Variants in RUNX1T1 observed in about 807,000 individuals in gnomAD.
RUNX1T1 encodes the protein protein CBFA2T1.
A neutral mutation model predicts 62.8 loss-of-function variants in RUNX1T1; 4 were observed. The ratio of observed to expected loss-of-function variants is 0.06; its 90% confidence interval spans 0.03 to 0.15. RUNX1T1 has a LOEUF of 0.15. RUNX1T1 is among the 10% of genes least tolerant of loss of function. The pLI, the probability that RUNX1T1 is intolerant of heterozygous loss-of-function variation, is 1.00. For missense variants in RUNX1T1, 508 were observed against 754.3 expected, an observed-to-expected ratio of 0.67 and a Z score of 3.82; for synonymous variants, 291 against 286.0, an observed-to-expected ratio of 1.02 and a Z score of -0.18.
chr8:92,094,072 T>C (rs911392764), intron 1 of RUNX1T1, among the ~76,000 whole-genome samples: 2 of 152,202 alleles, frequency 1.3e-5, no homozygotes, highest in African/African-American at 2.4e-5. Flanking sequence ...CTCTGGCCAG[T>C]TGGTCTGTGA....
At chr8:92,005,985 T>TACACACACACACACACACACACACAC (rs139289273) in intron 4 of RUNX1T1, 52 of 145,764 alleles carry the variant, frequency 3.6e-4, no homozygotes, top group African/African-American at 1.3e-3. Flanking sequence ...AAGGAATGAA[T>TACACACACACACACACACACACACAC]ACACACACAC....
chr8:91,959,448 G>C (rs2920469), exon 11 of RUNX1T1: 2 of 157,098 alleles, frequency 1.3e-5, no homozygotes, highest in South Asian at 5.8e-4. Context: ...GTGTGTGTGT[G>C]TGTGTGTGTG....
intron 2 of RUNX1T1, among the ~76,000 whole-genome samples, chr8:92,068,193 C>T (rs188728484): frequency 6.6e-6 from 1 of 152,128 alleles, no homozygotes; most frequent in East Asian, 1.9e-4. Flanking sequence ...TTACCATTTA[C>T]AGTTTTCTCA....
At chr8:92,053,719 G>A (rs914276140) in intron 1 of RUNX1T1, among the ~76,000 whole-genome samples, 1 of 151,976 alleles carries the variant, frequency 6.6e-6, no homozygotes, top group Non-Finnish European at 1.5e-5. Context: ...AACATGCTTT[G>A]TGTATTATTT....
At chr8:92,074,658 T>C (rs941781694) in intron 2 of RUNX1T1, among the ~76,000 whole-genome samples, 3 of 152,202 alleles carry the variant, frequency 2.0e-5, no homozygotes, top group Admixed American at 6.5e-5. Context: ...TGCAAGACTT[T>C]AGCAGGCTAA....
chr8:92,091,736 C>T (rs924624134), intron 1 of RUNX1T1, among the ~76,000 whole-genome samples: 1 of 152,162 alleles, frequency 6.6e-6, no homozygotes, highest in African/African-American at 2.4e-5. Context: ...GCATGACATG[C>T]CATACTGAAC....
intron 6 of RUNX1T1, among the ~76,000 whole-genome samples, chr8:91,991,116 G>A (rs1236263571): frequency 6.6e-6 from 1 of 152,060 alleles, no homozygotes; most frequent in Non-Finnish European, 1.5e-5. Flanking sequence ...GTAAAAAAAA[G>A]TACCAAATCA....
rs763863514 is a variant in RUNX1T1 at position 91,991,789 on chromosome 8, C to T, written c.760G>A (p.Gly254Ser). 25 of 1,613,898 alleles carry T rather than the reference C, an allele frequency of 1.5e-5. No individual in the cohort carries two copies. Among genetic ancestry groups the T allele is most frequent in the East Asian group, 2.2e-5 (1 of 44,876 alleles). ...AGGCCATTGGGCTGGTAGGATAAGCCGTTATTTGGACTGTACCGCTGGCCT... is the reference window on the plus strand; with the variant it reads ...AGGCCATTGGGCTGGTAGGATAAGCTGTTATTTGGACTGTACCGCTGGCCT... Residue 254 changes from glycine to serine, a missense_variant, in exon 6 of 11, where the codon GGC (glycine) becomes AGC (serine). Transcript: ENST00000396218.
chr8:91,990,998 T>A (rs1172828510), intron 6 of RUNX1T1, among the ~76,000 whole-genome samples: 2 of 152,208 alleles, frequency 1.3e-5, no homozygotes, highest in Non-Finnish European at 2.9e-5. Context: ...AAAGAAGGAA[T>A]GAACACAGGG....
At chr8:92,082,075 C>T (rs749840279) in intron 1 of RUNX1T1, among the ~76,000 whole-genome samples, 6 of 151,846 alleles carry the variant, frequency 4.0e-5, no homozygotes, top group African/African-American at 9.7e-5. Context: ...TTAGTAGGGA[C>T]GGGATTTTGC....
At chr8:91,968,717 A>G (rs536818330) in intron 10 of RUNX1T1, among the ~76,000 whole-genome samples, 7 of 152,192 alleles carry the variant, frequency 4.6e-5, no homozygotes, top group Admixed American at 3.9e-4. Context: ...TCCTTATTTC[A>G]TTGTTACAAA....
chr8:92,056,014 T>A (rs1830977641), intron 1 of RUNX1T1, among the ~76,000 whole-genome samples: 1 of 152,184 alleles, frequency 6.6e-6, no homozygotes, highest in Non-Finnish European at 1.5e-5. Context: ...TCCAGTCTTA[T>A]CCTCATTAGG....
intron 1 of RUNX1T1, among the ~76,000 whole-genome samples, chr8:92,088,848 G>A (rs1331740879): frequency 6.6e-6 from 1 of 152,056 alleles, no homozygotes; most frequent in East Asian, 1.9e-4. Context: ...CATTACTGCT[G>A]CTAATATTTT....
intron 10 of RUNX1T1, among the ~76,000 whole-genome samples, chr8:91,967,616 G>C (rs1449921699): frequency 1.3e-5 from 2 of 152,172 alleles, no homozygotes; most frequent in Admixed American, 6.5e-5. Context: ...AAATTACAGA[G>C]AGAAGAATTC....
intron 1 of RUNX1T1, among the ~76,000 whole-genome samples, chr8:92,091,896 T>C (rs1280611409): frequency 2.6e-5 from 4 of 152,352 alleles, no homozygotes; most frequent in East Asian, 1.9e-4. Context: ...AACACTGCAT[T>C]TGTTAATATC....
At chr8:91,972,636 A>G (rs1398397743) in intron 9 of RUNX1T1, among the ~76,000 whole-genome samples, 1 of 152,102 alleles carries the variant, frequency 6.6e-6, no homozygotes, top group African/African-American at 2.4e-5. Flanking sequence ...TTAAAATTCT[A>G]TCTAAGTGGT....
At chr8:92,026,154 T>A (rs1825105115) in intron 1 of RUNX1T1, among the ~76,000 whole-genome samples, 1 of 152,208 alleles carries the variant, frequency 6.6e-6, no homozygotes, top group Non-Finnish European at 1.5e-5. Context: ...TTCTTATTTT[T>A]CTCTGTTCTA....
At chr8:91,973,977 T>TAG (rs1813383207) in intron 9 of RUNX1T1, among the ~76,000 whole-genome samples, 1 of 152,030 alleles carries the variant, frequency 6.6e-6, no homozygotes, top group South Asian at 2.1e-4. Flanking sequence ...CTGTAGATGA[T>TAG]AGACACTGTA....
At chr8:92,017,226 A>T in exon 2 of RUNX1T1, 1 of 1,598,826 alleles carries the variant, frequency 6.3e-7, no homozygotes, top group Non-Finnish European at 8.6e-7. Flanking sequence ...GACTACTTAC[A>T]CGTTGTCGGT....
Sources: gnomAD v4.1 joint callset for allele counts (sites outside exome capture counted in the v4.1 genomes callset) on GRCh38, gnomAD v4.1.1 for gene constraint, MANE v1.5 for transcripts, NCBI Gene and HGNC (gene_info 2026-07-23, HGNC 2026-07-21) for gene names.